ARHGEF12: variants seen among roughly 807,000 people sequenced by gnomAD.
The protein encoded by ARHGEF12 is KMT2A/ARHGEF12 fusion protein.
In ARHGEF12, 66 loss-of-function variants were observed where a neutral mutation model predicts 211.2. The observed-to-expected ratio is 0.31, with a 90% CI of 0.26 to 0.38. The LOEUF is 0.38. Ranked by LOEUF, ARHGEF12 falls within the 10% of genes least tolerant of loss-of-function variation. The pLI, the probability that ARHGEF12 is intolerant of heterozygous loss-of-function variation, is 1.00. For synonymous variants in ARHGEF12, 592 were observed against 638.4 expected (o/e 0.93, Z 1.09); for missense variants, 1,429 against 1,869.5 (o/e 0.76, Z 4.34).
chr11:120,364,304 G>A (rs1189719054), intron 1 of ARHGEF12, among the ~76,000 whole-genome samples: 12 of 152,118 alleles, frequency 7.9e-5, no homozygotes, highest in Admixed American at 7.2e-4. Context: ...CAATTTAAAC[G>A]ATCTACTGCT....
At position 120,336,734 on chromosome 11, in the gene ARHGEF12, C is replaced by T. The variant is rs903691518; in HGVS notation, c.-510C>T. Among the ~76,000 whole-genome samples, 1 of 152,168 alleles carries T rather than the reference C, an allele frequency of 6.6e-6. No individual in the cohort carries two copies. The highest frequency in any genetic ancestry group is 1.9e-4 in the East Asian group (1 of 5,160). ...CCCGGGACATGGAATCGCGCGAGCC[C>T]GGCGCGGGACGGCCGGAGACGCGGC... is the stretch of plus-strand genomic sequence containing the variant. On this transcript the variant is annotated 5_prime_UTR_variant, in exon 1 of 41. Coordinates refer to ENST00000397843, the MANE Select transcript of ARHGEF12 (RefSeq NM_015313.3).
Position 120,451,626 on chromosome 11 carries a change from A to G in ARHGEF12, c.1958A>G (p.Asn653Ser), listed in dbSNP as rs1214632345. Residue 653 changes from asparagine (N) to serine (S), a missense_variant, in exon 22 of 41, where the codon AAT (asparagine) becomes AGT (serine). Physicochemically the swap from Asn to Ser is conservative, Grantham distance 46 (BLOSUM62 1). Around this residue, in one of 7 missense-constraint regions of ARHGEF12, gnomAD observed 373 missense variants for 467.5 expected, o/e 0.80. Transcript: ENST00000397843. ...AAGTTGCGCCAGAGTGGGTTAGCAA[A>G]TGAAGGAACAGACGCTGGATACCTG... ...SAKLRQSGLA[N>S]EGTDAGYLPA... 1.9e-6 allele frequency: 3 copies of G among 1,614,018 alleles called. No homozygotes were observed. In the South Asian group the frequency reaches 3.3e-5, roughly 18 times the overall value.
At chr11:120,440,278 G>A in intron 13 of ARHGEF12, 57 bp downstream of exon 13, 4 of 1,434,042 alleles carry the variant, frequency 2.8e-6, no homozygotes, top group Non-Finnish European at 3.9e-6. Context: ...TATCTGATTT[G>A]TTGCAAAAAT....
At chr11:120,387,775 C>T (rs907896032) in intron 1 of ARHGEF12, among the ~76,000 whole-genome samples, 1 of 152,212 alleles carries the variant, frequency 6.6e-6, no homozygotes, top group Non-Finnish European at 1.5e-5. Flanking sequence ...TTATGTGTCA[C>T]TGTATAGTCT....
intron 6 of ARHGEF12, among the ~76,000 whole-genome samples, chr11:120,423,264 G>T (rs915304630): frequency 6.6e-6 from 1 of 152,050 alleles, no homozygotes; most frequent in African/African-American, 2.4e-5. Context: ...GTATAGTTTG[G>T]GTATGGTAAA....
chr11:120,338,041 G>C (rs1014526234), intron 1 of ARHGEF12, among the ~76,000 whole-genome samples: 13 of 152,216 alleles, frequency 8.5e-5, no homozygotes, highest in Admixed American at 6.5e-4. Flanking sequence ...GGTGGGTGGC[G>C]AATTGAGCTA....
At chr11:120,351,718 G>A (rs569827868) in intron 1 of ARHGEF12, among the ~76,000 whole-genome samples, 3 of 151,938 alleles carry the variant, frequency 2.0e-5, no homozygotes, top group African/African-American at 4.8e-5. Flanking sequence ...TGATCTGCCC[G>A]CCTCGGCCTC....
Position 120,485,077 on chromosome 11 carries a change from G to A in ARHGEF12, c.4635G>A (p.Ter1545=), listed in dbSNP as rs369802851. The stretch of plus-strand genomic sequence containing the variant: ...CTTTATTCTTCTCAGATAAAAGTTA[G>A]AGCCGCATGTCCTGGAGGTGACTGC... ...ALTDKHSDKS[*] Residue 1545 remains the stop codon, a stop_retained_variant, in exon 41 of 41, where the codon TAG becomes TAA. Coordinates refer to ENST00000397843, the MANE Select transcript of ARHGEF12 (RefSeq NM_015313.3). 37 of 1,613,614 alleles carry A rather than the reference G, an allele frequency of 2.3e-5. No homozygotes were observed. The African/African-American group carries it at 4.3e-4, about 19-fold the overall frequency.
At chr11:120,345,657 C>T (rs532884870) in intron 1 of ARHGEF12, among the ~76,000 whole-genome samples, 186 of 140,872 alleles carry the variant, frequency 1.3e-3, no homozygotes, top group Middle Eastern at 7.4e-3. Context: ...GAGCCGAGAT[C>T]GCGCCACTGC....
At chr11:120,342,567 A>G (rs1942568010) in intron 1 of ARHGEF12, among the ~76,000 whole-genome samples, 1 of 152,192 alleles carries the variant, frequency 6.6e-6, no homozygotes, top group Non-Finnish European at 1.5e-5. Context: ...GCTTATCTTA[A>G]TATTTCATTA....
chr11:120,376,505 A>G (rs749055440), intron 1 of ARHGEF12, among the ~76,000 whole-genome samples: 1 of 152,122 alleles, frequency 6.6e-6, no homozygotes, highest in East Asian at 1.9e-4. Context: ...ATTCACCATT[A>G]TATTATTGTT....
At chr11:120,426,676 T>C (rs1401568849) in intron 7 of ARHGEF12, among the ~76,000 whole-genome samples, 1 of 152,208 alleles carries the variant, frequency 6.6e-6, no homozygotes, top group Non-Finnish European at 1.5e-5. Context: ...CTCCAAATTA[T>C]AACACTTGTG....
intron 1 of ARHGEF12, among the ~76,000 whole-genome samples, chr11:120,403,296 C>T (rs1160521515): frequency 1.3e-5 from 2 of 152,080 alleles, no homozygotes; most frequent in East Asian, 1.9e-4. Flanking sequence ...CACTTGAGGT[C>T]GGGAGTTCAA....
chr11:120,367,943 T>C (rs1445187526), intron 1 of ARHGEF12, among the ~76,000 whole-genome samples: 1 of 151,726 alleles, frequency 6.6e-6, no homozygotes, highest in Non-Finnish European at 1.5e-5. Context: ...ATCGTGCCAC[T>C]GCACCCCAGC....
intron 1 of ARHGEF12, among the ~76,000 whole-genome samples, chr11:120,359,522 A>G (rs955900738): frequency 1.3e-5 from 2 of 152,256 alleles, no homozygotes; most frequent in South Asian, 4.1e-4. Context: ...GATTACAGGC[A>G]TAAGCCAAAG....
intron 13 of ARHGEF12, 143 bp from the exon 14 acceptor site, chr11:120,441,564 T>A: frequency 1.7e-6 from 1 of 605,976 alleles, no homozygotes; most frequent in South Asian, 2.2e-5. Flanking sequence ...CTGTTGCTAA[T>A]AAATTTTAGT....
At position 120,429,085 on chromosome 11, in the gene ARHGEF12, A is replaced by C. The variant is rs1284224710; in HGVS notation, c.586-355A>C. ...AATTAGGGAGCTGTCTTCATATTTC[A>C]GGTAAGAGGTACTGGGAGTTTGAGC... On this transcript the variant is annotated intron_variant, in intron 8 of 40. Transcript: ENST00000397843. Among the ~76,000 whole-genome samples, 7 of 152,272 alleles carry C rather than the reference A, an allele frequency of 4.6e-5. No homozygotes were observed. The East Asian group carries it at 5.8e-4, about 13-fold the overall frequency.
intron 10 of ARHGEF12, among the ~76,000 whole-genome samples, chr11:120,431,127 T>C (rs1458077130): frequency 2.6e-5 from 4 of 151,904 alleles, no homozygotes; most frequent in Admixed American, 2.6e-4. Flanking sequence ...CCGACTCTAC[T>C]AAAAATAAAA....
intron 1 of ARHGEF12, among the ~76,000 whole-genome samples, chr11:120,390,569 G>T (rs1377328523): frequency 6.6e-6 from 1 of 152,132 alleles, no homozygotes; most frequent in Admixed American, 6.6e-5. Flanking sequence ...GTGTAGGATT[G>T]GGAGTTCTTT....
Sources: gnomAD v4.1 joint callset for allele counts (sites outside exome capture counted in the v4.1 genomes callset) on GRCh38, gnomAD v4.1.1 for gene constraint, gnomAD v4.1.1 regional missense constraint, MANE v1.5 for transcripts, NCBI Gene and HGNC (gene_info 2026-07-23, HGNC 2026-07-21) for gene names.